The following BEND2 variants were observed in gnomAD, a reference collection of about 807,000 sequenced individuals.
BEND2 encodes the protein BEN domain-containing protein 2.
Under a neutral mutation model 43.8 loss-of-function variants are expected in BEND2, and 19 were observed. The observed-to-expected ratio is 0.43, with a 90% CI of 0.30 to 0.64. The LOEUF is 0.64. Among genes scored for constraint, BEND2 ranks in the 30% least tolerant of loss-of-function variants. The pLI is 0.11. For synonymous variants in BEND2, 226 were observed against 210.1 expected (o/e 1.08, Z -0.66); for missense variants, 544 against 574.0 (o/e 0.95, Z 0.53).
At chrX:18,192,020 C>T (rs964941338) in intron 7 of BEND2, among the ~76,000 whole-genome samples, 11 of 111,871 alleles carry the variant, frequency 9.8e-5, no homozygotes, top group Admixed American at 1.9e-4. Context: ...TCTTGCACTA[C>T]GGATGCTAAT....
At chrX:18,212,220 G>A (rs748012530) in intron 4 of BEND2, among the ~76,000 whole-genome samples, 43 of 105,879 alleles carry the variant, frequency 4.1e-4, no homozygotes, top group African/African-American at 1.3e-3. Context: ...TCAGCCTCCC[G>A]AGTAGCTAGG....
At chrX:18,201,418 C>CAAAAAAAAAAAAAAAAAAAAAAA (rs367821568) in intron 6 of BEND2, among the ~76,000 whole-genome samples, 1 of 52,789 alleles carries the variant, frequency 1.9e-5, no homozygotes, top group African/African-American at 8.0e-5. Flanking sequence ...AAAAAAAAAA[C>CAAAAAAAAAAAAAAAAAAAAAAA]AAAAAAAAAA....
At chrX:18,193,929 T>C (rs981643458) in intron 7 of BEND2, among the ~76,000 whole-genome samples, 2 of 111,722 alleles carry the variant, frequency 1.8e-5, no homozygotes, top group Non-Finnish European at 3.8e-5. Context: ...CTCTCAACTA[T>C]GAATTTTATA....
rs368100149 is a variant in BEND2, at chrX:18,177,219, G to A, written c.1630+350C>T. Among the ~76,000 whole-genome samples the A allele has an allele frequency of 7.3e-3, 259 of 35,497 alleles. 2 individuals carry two copies. The highest frequency in any genetic ancestry group is 0.029 in the African/African-American group (244 of 8,394). 30.8% of individuals were successfully genotyped at this position (35,497 alleles called of 115,157 possible). A position where few individuals can be genotyped will look rare whatever the true frequency, so the allele number is the denominator to read the frequency against. On this transcript the variant is annotated intron_variant, in intron 10 of 13. Coordinates refer to ENST00000380033, the MANE Select transcript of BEND2 (RefSeq NM_153346.5). ...ACTGACAAGTCTTTTATTCCCCCCC[G>A]CCCCCCACCCCACCACCTTCTGGCA...
At chrX:18,210,022 T>A (rs1468555625) in intron 4 of BEND2, among the ~76,000 whole-genome samples, 1 of 110,373 alleles carries the variant, frequency 9.1e-6, no homozygotes, top group African/African-American at 3.3e-5. Context: ...ATAATTCTTT[T>A]AAAAATTAGA....
chrX:18,187,095 C>T (rs760804585), intron 8 of BEND2, among the ~76,000 whole-genome samples: 3 of 109,455 alleles, frequency 2.7e-5, no homozygotes, highest in East Asian at 5.8e-4. Flanking sequence ...AAGAGAAGAC[C>T]GAAAAACAAC....
intron 7 of BEND2, among the ~76,000 whole-genome samples, chrX:18,191,955 T>C (rs1227656805): frequency 1.8e-5 from 2 of 112,285 alleles, no homozygotes; most frequent in Non-Finnish European, 3.8e-5. Context: ...TATAACTGCA[T>C]GTGTAGCTAA....
chrX:18,168,796 CAAAT>C (rs1361278297), intron 13 of BEND2, among the ~76,000 whole-genome samples: 2 of 111,446 alleles, frequency 1.8e-5, no homozygotes, highest in Admixed American at 9.6e-5. Context: ...GCTTTTCCCT[CAAAT>C]AACAAAATAT....
At chrX:18,190,287 T>C (rs1924721375) in intron 8 of BEND2, among the ~76,000 whole-genome samples, 1 of 111,868 alleles carries the variant, frequency 8.9e-6, no homozygotes, top group African/African-American at 3.2e-5. Context: ...CTGGTTGTCA[T>C]AGCTGCTTTA....
chrX:18,220,823 G>C lies in BEND2; in HGVS notation c.-73C>G. The C allele has an allele frequency of 9.3e-7, 1 of 1,071,173 alleles. No individual in the cohort carries two copies. Among genetic ancestry groups the C allele is most frequent in the African/African-American group, 1.8e-5 (1 of 54,239 alleles). 88.3% of individuals were successfully genotyped at this position (1,071,173 alleles called of 1,213,427 possible). On this transcript the variant is annotated 5_prime_UTR_variant, in exon 1 of 14. Coordinates refer to ENST00000380033, the MANE Select transcript of BEND2 (RefSeq NM_153346.5). ...GACCTGAGGCCTACGTCTGCGCCGC[G>C]GCTCTGAGGTAACTGCTTGGTAACT...
chrX:18,185,927 C>T (rs944015026), intron 8 of BEND2, among the ~76,000 whole-genome samples: 3 of 110,910 alleles, frequency 2.7e-5, no homozygotes, highest in Non-Finnish European at 5.7e-5. Context: ...CAAACAAAAG[C>T]TGACAGATTT....
intron 5 of BEND2, among the ~76,000 whole-genome samples, chrX:18,203,231 C>T (rs766384801): frequency 1.8e-5 from 2 of 109,829 alleles, no homozygotes; most frequent in Non-Finnish European, 3.8e-5. Context: ...AACATACAAA[C>T]TTTCTCATCT....
rs1003529567 is a variant in BEND2 at position 18,195,393 on chromosome X, C to T, written c.1083G>A (p.Val361=). 1.3e-5 allele frequency: 16 copies of T among 1,207,221 alleles called. No individual in the cohort carries two copies. Among genetic ancestry groups the T allele is most frequent in the Non-Finnish European group, 1.7e-5 (15 of 893,922 alleles). ...AATACACTGTCTGAGAGTTATTTTC[C>T]ACGTTGGTTTCTGTTGTTCCTGGCA... ...TEMPGTTETN[V]ENNSQTVYYP... Residue 361 remains valine (V), a synonymous_variant, in exon 7 of 14, where the codon GTG becomes GTA. Transcript: ENST00000380033.
At chrX:18,181,175 T>C (rs1178268766) in intron 8 of BEND2, among the ~76,000 whole-genome samples, 1 of 111,816 alleles carries the variant, frequency 8.9e-6, no homozygotes, top group East Asian at 2.8e-4. Flanking sequence ...ACAGCCACAC[T>C]GGAAAACAAT....
At chrX:18,214,514 C>T (rs1454761701) in intron 2 of BEND2, among the ~76,000 whole-genome samples, 1 of 110,519 alleles carries the variant, frequency 9.0e-6, no homozygotes, top group African/African-American at 3.3e-5. Flanking sequence ...TTTTGTATGT[C>T]ATAGACTTCC....
At chrX:18,174,625 G>C (rs1924086378) in intron 11 of BEND2, among the ~76,000 whole-genome samples, 1 of 111,865 alleles carries the variant, frequency 8.9e-6, no homozygotes, top group African/African-American at 3.2e-5. Context: ...TTTTTCCCTA[G>C]TGGAGCTCAA....
chrX:18,189,292 G>C (rs1924680201), intron 8 of BEND2, among the ~76,000 whole-genome samples: 1 of 110,577 alleles, frequency 9.0e-6, no homozygotes, highest in South Asian at 3.9e-4. Flanking sequence ...AAGACTGCTT[G>C]AGCCCAGGAG....
At position 18,194,517 on chromosome X, in the gene BEND2, T is replaced by C. The variant is rs193038457; in HGVS notation, c.1180+779A>G. ...GAAAACTTACATTTATACAAAAATG[T>C]GTACATGACAATTCATAGCGGCTTT... On this transcript the variant is annotated intron_variant, in intron 7 of 13. Transcript: ENST00000380033. Among the ~76,000 whole-genome samples, 501 of 110,910 alleles carry C rather than the reference T, an allele frequency of 4.5e-3. 6 individuals carry two copies. Among genetic ancestry groups the C allele is most frequent in the African/African-American group, 0.015 (461 of 30,610 alleles).
chrX:18,192,568 T>C (rs1249095733), intron 7 of BEND2, among the ~76,000 whole-genome samples: 1 of 112,519 alleles, frequency 8.9e-6, no homozygotes, highest in Non-Finnish European at 1.9e-5. Context: ...ATGCAATTAC[T>C]ATACAACCAA....
Sources: allele counts gnomAD v4.1 joint callset (sites outside exome capture counted in the v4.1 genomes callset), GRCh38; gene constraint gnomAD v4.1.1; transcripts MANE v1.5; gene names NCBI Gene and HGNC (gene_info 2026-07-23, HGNC 2026-07-21).